ABCA1: variants seen among roughly 807,000 people sequenced by gnomAD.
ABCA1 encodes phospholipid-transporting ATPase ABCA1.
A neutral mutation model predicts 262.5 loss-of-function variants in ABCA1; 133 were observed. That is an observed-to-expected ratio of 0.51 (90% confidence interval 0.44 to 0.59). ABCA1 has a LOEUF of 0.59. ABCA1 is among the 20% of genes least tolerant of loss of function. The pLI is 0.00. For synonymous variants in ABCA1, 1,022 were observed against 1,043.5 expected (o/e 0.98, Z 0.40); for missense variants, 2,452 against 2,777.5 (o/e 0.88, Z 2.63).
chr9:104,820,188 A>C (rs970825683), intron 20 of ABCA1, 119 bp from the exon 21 acceptor site: 1 of 1,287,546 alleles, frequency 7.8e-7, no homozygotes, highest in Non-Finnish European at 1.1e-6. Flanking sequence ...TTTTAAAATA[A>C]CTTTATCAAT....
intron 6 of ABCA1, 33 bp downstream of exon 6, chr9:104,861,646 G>A: frequency 6.2e-7 from 1 of 1,613,890 alleles, no homozygotes. Flanking sequence ...ATTGCCATCA[G>A]CCCTACTGAG....
At chr9:104,820,768 G>A (rs1378572213) in intron 20 of ABCA1, among the ~76,000 whole-genome samples, 1 of 151,792 alleles carries the variant, frequency 6.6e-6, no homozygotes, top group Non-Finnish European at 1.5e-5. Context: ...GGTGGCGGGG[G>A]AGAGGATGGG....
chr9:104,816,446 A>G (rs929463870), intron 24 of ABCA1, 101 bp from the exon 25 acceptor site: 2 of 1,079,008 alleles, frequency 1.9e-6, no homozygotes, highest in Non-Finnish European at 2.8e-6. Flanking sequence ...TGCCGCTCAT[A>G]CACCACACCT....
At chr9:104,819,457 T>A in intron 22 of ABCA1, 129 bp downstream of exon 22, 1 of 1,322,494 alleles carries the variant, frequency 7.6e-7, no homozygotes, top group Non-Finnish European at 1.1e-6. Context: ...ATGCCCTTTA[T>A]CTCTTCTGTG....
intron 5 of ABCA1, among the ~76,000 whole-genome samples, chr9:104,868,291 G>T (rs968315466): frequency 6.6e-6 from 1 of 152,194 alleles, no homozygotes; most frequent in African/African-American, 2.4e-5. Flanking sequence ...GGCAGAGGTT[G>T]CAGTGAGCCG....
rs375647182 is a variant in ABCA1 at position 104,817,433 on chromosome 9, G to A, written c.3463-29C>T. Reference sequence around the variant, plus strand: ...ATGGCAAAGAAGGAGGTGAGAACGGGTCAGGGACGGAGCAAGGCAGAGCCA... The same window carrying A: ...ATGGCAAAGAAGGAGGTGAGAACGGATCAGGGACGGAGCAAGGCAGAGCCA... On this transcript the variant is annotated intron_variant, in intron 23 of 49. Transcript: ENST00000374736. This position sits in a 1 kb window ranked among gnomAD's most constrained non-coding sequence, Gnocchi z 4.7. 7 of 1,613,310 alleles carry A rather than the reference G, an allele frequency of 4.3e-6. No homozygotes were observed. Among genetic ancestry groups the A allele is most frequent in the Non-Finnish European group, 5.9e-6 (7 of 1,179,388 alleles).
intron 8 of ABCA1, among the ~76,000 whole-genome samples, chr9:104,841,453 G>T (rs1834365918): frequency 6.6e-6 from 1 of 151,520 alleles, no homozygotes; most frequent in Non-Finnish European, 1.5e-5. Context: ...AAAAGAAAAA[G>T]AAAAAGAAAA....
chr9:104,852,062 G>T (rs1835426808), intron 7 of ABCA1, among the ~76,000 whole-genome samples: 1 of 152,116 alleles, frequency 6.6e-6, no homozygotes, highest in African/African-American at 2.4e-5. Flanking sequence ...ACACAATTTT[G>T]TTTTCCTCCT....
chr9:104,793,401 C>G (rs1829602517), intron 40 of ABCA1, 101 bp from the exon 41 acceptor site: 1 of 1,473,422 alleles, frequency 6.8e-7, no homozygotes, highest in African/African-American at 1.4e-5. Flanking sequence ...ACCGATCTTC[C>G]AATAAACACA....
At chr9:104,905,753 T>C (rs1489933220) in intron 1 of ABCA1, among the ~76,000 whole-genome samples, 1 of 152,196 alleles carries the variant, frequency 6.6e-6, no homozygotes, top group African/African-American at 2.4e-5. Flanking sequence ...GCTAGATTTT[T>C]CTCATACAGA....
At chr9:104,816,478 C>T (rs1831777529) in intron 24 of ABCA1, 133 bp from the exon 25 acceptor site, 1 of 833,258 alleles carries the variant, frequency 1.2e-6, no homozygotes, top group Non-Finnish European at 2.0e-6. Flanking sequence ...TTAGGTCATT[C>T]CACATGTTCA....
chr9:104,810,685 G>T, intron 29 of ABCA1, 115 bp downstream of exon 29: 2 of 1,526,878 alleles, frequency 1.3e-6, no homozygotes, highest in Non-Finnish European at 9.1e-7. Flanking sequence ...GACCTGAGCC[G>T]CAGCAGTAAA....
rs888236394 is a variant in ABCA1 at position 104,831,722 on chromosome 9, T to G, written c.1615A>C (p.Thr539Pro). 2 of 1,614,102 alleles carry G rather than the reference T, an allele frequency of 1.2e-6. No individual in the cohort carries two copies. Among genetic ancestry groups the G allele is most frequent in the Admixed American group, 3.3e-5 (2 of 60,008 alleles). ...TCAATGCTGCCTGGAGTAATTCCAGTGAACACAATACCAGCCCAGAACTTC... is the reference window on the plus strand; with the variant it reads ...TCAATGCTGCCTGGAGTAATTCCAGGGAACACAATACCAGCCCAGAACTTC... ...ERKFWAGIVF[T>P]GITPGSIELP... The change falls in exon 13 of 50, where the codon ACT (threonine) becomes CCT (proline). Residue 539 changes from threonine (T) to proline (P), a missense_variant. Physicochemically the swap from Thr to Pro is conservative, Grantham distance 38. Coordinates refer to ENST00000374736, the MANE Select transcript of ABCA1 (RefSeq NM_005502.4).
intron 11 of ABCA1, among the ~76,000 whole-genome samples, chr9:104,835,979 G>C (rs1446789922): frequency 6.6e-6 from 1 of 152,194 alleles, no homozygotes; most frequent in African/African-American, 2.4e-5. Flanking sequence ...GAGAGGACCA[G>C]GAAGAACAGG....
chr9:104,800,440 T>G, intron 35 of ABCA1, 70 bp downstream of exon 35: 1 of 1,474,012 alleles, frequency 6.8e-7, no homozygotes, highest in Non-Finnish European at 9.5e-7. Flanking sequence ...TACCATGAGT[T>G]GAAAGTACTC....
At chr9:104,859,168 A>G (rs563311107) in intron 6 of ABCA1, among the ~76,000 whole-genome samples, 32 of 152,264 alleles carry the variant, frequency 2.1e-4, no homozygotes, top group African/African-American at 6.0e-4. Context: ...TTTAACTAAG[A>G]CACAGAACTA....
rs1434270706 is a variant in ABCA1 at position 104,786,939 on chromosome 9, C to T, written c.6242G>A (p.Arg2081Gln). Residue 2081 changes from arginine (R) to glutamine (Q), a missense_variant, in exon 47 of 50, where the codon CGG becomes CAG. This residue lies in a region of ABCA1 where 752 missense variants were observed against 944.5 expected (regional missense o/e 0.80). Transcript: ENST00000374736. ...ACTTAGGGCACAATTCCACAAGAAC[C>T]GCCGGGCTTTGGGATCCATGCCTGT... ...PTTGMDPKARRFLWNCALSVV... is the reference protein window; with the variant it reads ...PTTGMDPKARQFLWNCALSVV... 13 of 1,613,880 alleles carry T rather than the reference C, an allele frequency of 8.1e-6. No individual in the cohort carries two copies. The highest frequency in any genetic ancestry group is 6.7e-5 in the Admixed American group (4 of 59,988).
At chr9:104,905,033 G>A (rs958957638) in intron 1 of ABCA1, among the ~76,000 whole-genome samples, 1 of 152,284 alleles carries the variant, frequency 6.6e-6, no homozygotes, top group South Asian at 2.1e-4. Flanking sequence ...TTAAAGCTGG[G>A]GAGGGGGCAG....
intron 2 of ABCA1, among the ~76,000 whole-genome samples, chr9:104,895,870 C>G (rs1054471097): frequency 1.3e-5 from 2 of 152,124 alleles, no homozygotes; most frequent in African/African-American, 4.8e-5. Context: ...GTTAGGGCAG[C>G]GCAAGGGCCA....
Sources: allele counts gnomAD v4.1 joint callset (sites outside exome capture counted in the v4.1 genomes callset), GRCh38; gene constraint gnomAD v4.1.1; regional missense constraint gnomAD v4.1.1; non-coding constraint Gnocchi (gnomAD v3.1); transcripts MANE v1.5; gene names NCBI Gene and HGNC (gene_info 2026-07-23, HGNC 2026-07-21).